Variants in SPOCK3 observed in about 807,000 individuals in gnomAD.
The protein encoded by SPOCK3 is SPARC (osteonectin), cwcv and kazal like domains proteoglycan 3, also known as testican-3.
SPOCK3 carries 30 observed loss-of-function variants against 56.6 expected under a neutral mutation model. The ratio of observed to expected loss-of-function variants is 0.53; its 90% CI spans 0.40 to 0.72. The LOEUF is 0.72. SPOCK3 is among the 30% of genes least tolerant of loss of function. SPOCK3 has a pLI of 0.00. For synonymous variants in SPOCK3, 196 were observed against 183.3 expected (o/e 1.07, Z -0.56); for missense variants, 527 against 530.0 (o/e 0.99, Z 0.06).
At chr4:166,962,333 T>A (rs1235160498) in intron 4 of SPOCK3, among the ~76,000 whole-genome samples, 1 of 152,110 alleles carries the variant, frequency 6.6e-6, no homozygotes, top group Non-Finnish European at 1.5e-5. Flanking sequence ...CCACAGTGTG[T>A]TAAGGTGTCA....
chr4:167,203,284 C>T (rs1377590460), intron 2 of SPOCK3, among the ~76,000 whole-genome samples: 2 of 151,794 alleles, frequency 1.3e-5, no homozygotes. Flanking sequence ...TGTATAATAG[C>T]TTCTACATAA....
intron 7 of SPOCK3, among the ~76,000 whole-genome samples, chr4:166,780,396 C>T (rs1462845670): frequency 2.0e-5 from 3 of 152,110 alleles, no homozygotes; most frequent in Non-Finnish European, 4.4e-5. Flanking sequence ...ACTCCAGGAT[C>T]TCAGTGTGTG....
intron 2 of SPOCK3, among the ~76,000 whole-genome samples, chr4:167,144,266 T>C (rs986820771): frequency 2.6e-5 from 4 of 152,170 alleles, no homozygotes; most frequent in Admixed American, 1.3e-4. Context: ...AACAATTATC[T>C]TTGTGCTTTA....
At chr4:166,896,441 T>C (rs955348850) in intron 5 of SPOCK3, among the ~76,000 whole-genome samples, 10 of 152,122 alleles carry the variant, frequency 6.6e-5, no homozygotes, top group African/African-American at 2.4e-4. Context: ...CCAGAAAGCT[T>C]TGGGCCTGCC....
intron 3 of SPOCK3, among the ~76,000 whole-genome samples, chr4:167,020,931 G>T (rs1751108795): frequency 6.6e-6 from 1 of 152,000 alleles, no homozygotes; most frequent in East Asian, 1.9e-4. Context: ...AGTTTCTTAG[G>T]GCCAGAACTA....
At chr4:166,998,317 C>A (rs1748599974) in intron 4 of SPOCK3, among the ~76,000 whole-genome samples, 2 of 152,048 alleles carry the variant, frequency 1.3e-5, no homozygotes, top group Non-Finnish European at 2.9e-5. Context: ...ACCACTACAC[C>A]AAAGGCAAAG....
At chr4:166,744,594 G>T (rs1166794080) in intron 8 of SPOCK3, among the ~76,000 whole-genome samples, 1 of 152,166 alleles carries the variant, frequency 6.6e-6, no homozygotes, top group African/African-American at 2.4e-5. Context: ...AAGGAACGCA[G>T]CTCCTCACCA....
At chr4:167,062,383 CTCT>C (rs1353536019) in intron 3 of SPOCK3, 106 bp downstream of exon 3, 27 of 710,648 alleles carry the variant, frequency 3.8e-5, no homozygotes, top group Admixed American at 5.7e-5. Flanking sequence ...TTCATGTAAG[CTCT>C]TCTATTTAGT....
intron 2 of SPOCK3, among the ~76,000 whole-genome samples, chr4:167,232,657 C>T (rs1321576622): frequency 3.9e-5 from 6 of 152,084 alleles, no homozygotes; most frequent in Non-Finnish European, 2.9e-5. Flanking sequence ...AAATATGCAA[C>T]GGGTATGCTT....
intron 3 of SPOCK3, among the ~76,000 whole-genome samples, chr4:167,055,837 G>A (rs1047387089): frequency 6.6e-6 from 1 of 152,208 alleles, no homozygotes; most frequent in East Asian, 1.9e-4. Flanking sequence ...GCTCAAGGAG[G>A]CCTGCCTGCC....
At chr4:166,753,976 A>T in intron 8 of SPOCK3, 1 of 501,726 alleles carries the variant, frequency 2.0e-6, no homozygotes, top group Non-Finnish European at 2.6e-6. Context: ...GTATTAAGAC[A>T]CTTTTTCTGC....
At chr4:166,791,166 T>G (rs1439963641) in intron 7 of SPOCK3, among the ~76,000 whole-genome samples, 1 of 152,236 alleles carries the variant, frequency 6.6e-6, no homozygotes, top group African/African-American at 2.4e-5. Flanking sequence ...AGTAATGGCT[T>G]AATTGCACTT....
intron 3 of SPOCK3, among the ~76,000 whole-genome samples, chr4:167,034,495 C>T (rs1752555446): frequency 6.6e-6 from 1 of 151,968 alleles, no homozygotes; most frequent in African/African-American, 2.4e-5. Flanking sequence ...CCAGCTTAAC[C>T]ATCTAATTAA....
At chr4:167,109,999 A>T (rs1331576297) in intron 2 of SPOCK3, among the ~76,000 whole-genome samples, 1 of 151,996 alleles carries the variant, frequency 6.6e-6, no homozygotes, top group African/African-American at 2.4e-5. Context: ...ACTTGTAAAC[A>T]CACAACTCCC....
intron 3 of SPOCK3, among the ~76,000 whole-genome samples, chr4:167,005,217 T>TC (rs1458896052): frequency 1.3e-5 from 2 of 151,998 alleles, no homozygotes; most frequent in Non-Finnish European, 2.9e-5. Context: ...TTTTCTTTAT[T>TC]CTTTTTTTTT....
intron 7 of SPOCK3, among the ~76,000 whole-genome samples, chr4:166,779,864 A>G (rs1438452699): frequency 2.0e-5 from 3 of 152,208 alleles, no homozygotes; most frequent in African/African-American, 4.8e-5. Context: ...AGCAGGAAGA[A>G]TATGACACAT....
intron 7 of SPOCK3, among the ~76,000 whole-genome samples, chr4:166,787,311 C>A (rs2126638097): frequency 6.6e-6 from 1 of 152,144 alleles, no homozygotes; most frequent in East Asian, 1.9e-4. Flanking sequence ...ATTCTTTGTA[C>A]AACCAGAAAA....
At chr4:167,224,211 A>G (rs1736364240) in intron 2 of SPOCK3, among the ~76,000 whole-genome samples, 1 of 152,106 alleles carries the variant, frequency 6.6e-6, no homozygotes. Flanking sequence ...CTTACTATAT[A>G]CATGTTTAGT....
At position 166,770,304 on chromosome 4, in the gene SPOCK3, G is replaced by A. The variant is rs535265090; in HGVS notation, c.710-15575C>T. Among the ~76,000 whole-genome samples the A allele has an allele frequency of 2.0e-5, 3 of 152,294 alleles. No homozygotes were observed. In the South Asian group the frequency reaches 6.2e-4, roughly 32 times the overall value. ...ACACTGGGAGCTACAGACTGGAGCT[G>A]TTCCTATTCGACCATCTTGGAACCA... is the stretch of plus-strand genomic sequence containing the variant. On this transcript the variant is annotated intron_variant, in intron 7 of 10. Transcript: ENST00000357545.
Sources: gnomAD v4.1 joint callset for allele counts (sites outside exome capture counted in the v4.1 genomes callset) on GRCh38, gnomAD v4.1.1 for gene constraint, MANE v1.5 for transcripts, NCBI Gene and HGNC (gene_info 2026-07-23, HGNC 2026-07-21) for gene names.